Variants in SRD5A2 observed in about 807,000 individuals in gnomAD.
The protein encoded by SRD5A2 is steroid 5 alpha-reductase 2, also known as 3-oxo-5-alpha-steroid 4-dehydrogenase 2.
SRD5A2 carries 30 observed loss-of-function variants against 27.4 expected under a neutral mutation model. The observed-to-expected ratio is 1.10, with a 90% confidence interval of 0.82 to 1.49. SRD5A2 has a LOEUF of 1.49. Ranked by LOEUF, SRD5A2 falls within the 40% of genes most tolerant of loss-of-function variation. The probability of loss-of-function intolerance (pLI) is 0.00; values close to 1 mark genes in which losing one functional copy is unlikely to be tolerated. For missense variants in SRD5A2, 348 were observed against 323.4 expected, an observed-to-expected ratio of 1.08 and a Z score of -0.58; for synonymous variants, 141 against 133.6, an observed-to-expected ratio of 1.06 and a Z score of -0.38.
the SRD5A2 span, among the ~76,000 whole-genome samples, chr2:31,599,137 C>A: frequency 6.6e-6 from 1 of 151,864 alleles, no homozygotes; most frequent in Non-Finnish European, 1.5e-5. Context: ...TATACATGCA[C>A]CCAACACTGG....
chr2:31,616,459 G>A, the SRD5A2 span, among the ~76,000 whole-genome samples: 1 of 152,190 alleles, frequency 6.6e-6, no homozygotes, highest in East Asian at 1.9e-4. Context: ...GCTACCCAAG[G>A]CCATAGGTGC....
intron 1 of SRD5A2, among the ~76,000 whole-genome samples, chr2:31,568,234 C>T (rs1417397205): frequency 6.6e-6 from 1 of 152,174 alleles, no homozygotes; most frequent in African/African-American, 2.4e-5. Flanking sequence ...CCCAGCTCTT[C>T]TCTCCTTCTT....
At chr2:31,657,420 G>C in the SRD5A2 span, among the ~76,000 whole-genome samples, 1 of 152,078 alleles carries the variant, frequency 6.6e-6, no homozygotes, top group African/African-American at 2.4e-5. Flanking sequence ...TTGTTTTTGA[G>C]ACAGTCTGTT....
the SRD5A2 span, among the ~76,000 whole-genome samples, chr2:31,587,055 C>A: frequency 6.6e-6 from 1 of 152,044 alleles, no homozygotes; most frequent in South Asian, 2.1e-4. Flanking sequence ...AAGAATCAAA[C>A]AGAAACTCCA....
chr2:31,566,738 A>G (rs1402619649), intron 1 of SRD5A2, among the ~76,000 whole-genome samples: 1 of 152,198 alleles, frequency 6.6e-6, no homozygotes, highest in Non-Finnish European at 1.5e-5. Flanking sequence ...AACAGTAACT[A>G]CTTATGGGGT....
At chr2:31,544,420 T>C (rs1358888933) in intron 1 of SRD5A2, among the ~76,000 whole-genome samples, 3 of 151,766 alleles carry the variant, frequency 2.0e-5, no homozygotes, top group East Asian at 1.9e-4. Context: ...AATCTATAAA[T>C]ATGTGAAAAT....
the SRD5A2 span, among the ~76,000 whole-genome samples, chr2:31,627,493 T>G: frequency 6.6e-6 from 1 of 151,940 alleles, no homozygotes; most frequent in South Asian, 2.1e-4. Context: ...ATTTTGGTTA[T>G]TTCTTGTCTT....
At chr2:31,589,885 G>A in the SRD5A2 span, among the ~76,000 whole-genome samples, 1 of 152,144 alleles carries the variant, frequency 6.6e-6, no homozygotes, top group Non-Finnish European at 1.5e-5. Flanking sequence ...TCTCAGCCCT[G>A]CTCAAAGGCT....
chr2:31,531,264 T>C (rs923928940), intron 3 of SRD5A2, 107 bp downstream of exon 3: 1 of 739,122 alleles, frequency 1.4e-6, no homozygotes, highest in African/African-American at 1.8e-5. Flanking sequence ...CTGAGAGGTA[T>C]TGTATCATTC....
At chr2:31,652,681 A>T in the SRD5A2 span, among the ~76,000 whole-genome samples, 15 of 152,338 alleles carry the variant, frequency 9.8e-5, no homozygotes, top group Non-Finnish European at 1.9e-4. Context: ...GATGAAGCTA[A>T]AAAAGCACAC....
chr2:31,622,262 C>A, the SRD5A2 span, among the ~76,000 whole-genome samples: 1 of 152,192 alleles, frequency 6.6e-6, no homozygotes, highest in Admixed American at 6.6e-5. Context: ...AGGATAATGG[C>A]TTCCAGCTCC....
chr2:31,601,633 C>T, the SRD5A2 span, among the ~76,000 whole-genome samples: 1 of 151,934 alleles, frequency 6.6e-6, no homozygotes, highest in Non-Finnish European at 1.5e-5. Flanking sequence ...GGCCAATATC[C>T]CTGCTGAGCA....
At position 31,523,744 on chromosome 2, in the gene SRD5A2, C is replaced by A. The variant is rs1200628983; in HGVS notation, c.*2452G>T. ...CTCAATTAACTATAATTTTGTTGCA[C>A]CCTATTTTTAAAAGTGGGAAGAAAT... On this transcript the variant is annotated 3_prime_UTR_variant, in exon 5 of 5. Transcript: ENST00000622030. 1 of 219,846 alleles carries A rather than the reference C, an allele frequency of 4.5e-6. No homozygotes were observed. The highest frequency in any genetic ancestry group is 9.1e-6 in the Non-Finnish European group (1 of 109,554). The allele number at this position is 219,846 out of a possible 1,614,324, so 13.6% of individuals were successfully genotyped here.
the SRD5A2 span, among the ~76,000 whole-genome samples, chr2:31,634,346 A>G: frequency 6.6e-6 from 1 of 152,190 alleles, no homozygotes; most frequent in Non-Finnish European, 1.5e-5. Flanking sequence ...TAGAGAGGCA[A>G]AATAGAGCAT....
At chr2:31,613,918 T>C in the SRD5A2 span, among the ~76,000 whole-genome samples, 1 of 152,094 alleles carries the variant, frequency 6.6e-6, no homozygotes, top group African/African-American at 2.4e-5. Context: ...AAGAAAAGTA[T>C]AGGGAAAACC....
At chr2:31,543,896 A>G (rs1478062040) in intron 1 of SRD5A2, among the ~76,000 whole-genome samples, 1 of 152,086 alleles carries the variant, frequency 6.6e-6, no homozygotes, top group Non-Finnish European at 1.5e-5. Flanking sequence ...AATATAGATG[A>G]GCAGAATGGA....
At chr2:31,534,703 G>A (rs1665989121) in intron 1 of SRD5A2, among the ~76,000 whole-genome samples, 1 of 152,134 alleles carries the variant, frequency 6.6e-6, no homozygotes, top group Non-Finnish European at 1.5e-5. Context: ...ATCTTTTGCA[G>A]ACAAGAAAGA....
chr2:31,629,395 G>A, the SRD5A2 span, among the ~76,000 whole-genome samples: 2 of 152,166 alleles, frequency 1.3e-5, no homozygotes, highest in African/African-American at 4.8e-5. Context: ...CGACCATGAA[G>A]GGACCTCCAA....
chr2:31,598,506 A>G, the SRD5A2 span, among the ~76,000 whole-genome samples: 1 of 152,022 alleles, frequency 6.6e-6, no homozygotes, highest in South Asian at 2.1e-4. Context: ...AAAACAAAAA[A>G]AAAGAAGGGG....
Sources: gnomAD v4.1 joint callset for allele counts (sites outside exome capture counted in the v4.1 genomes callset) on GRCh38, gnomAD v4.1.1 for gene constraint, MANE v1.5 for transcripts, NCBI Gene and HGNC (gene_info 2026-07-23, HGNC 2026-07-21) for gene names.